The following STARD13 variants were observed in gnomAD, a reference collection of about 807,000 sequenced individuals.
The protein encoded by STARD13 is stAR-related lipid transfer protein 13.
A neutral mutation model predicts 106.4 loss-of-function variants in STARD13; 62 were observed. The observed-to-expected ratio is 0.58, with a 90% CI of 0.48 to 0.72. STARD13 has a LOEUF of 0.72. Ranked by LOEUF, STARD13 falls within the 30% of genes least tolerant of loss-of-function variation. The pLI, the probability that STARD13 is intolerant of heterozygous loss-of-function variation, is 0.00. For missense variants in STARD13, 1,387 were observed against 1,424.0 expected, an observed-to-expected ratio of 0.97 and a Z score of 0.42; for synonymous variants, 565 against 553.0, an observed-to-expected ratio of 1.02 and a Z score of -0.31.
At chr13:33,427,322 G>A in the STARD13 span, among the ~76,000 whole-genome samples, 3 of 152,168 alleles carry the variant, frequency 2.0e-5, no homozygotes, top group South Asian at 6.2e-4. Flanking sequence ...ATGTTATTCA[G>A]TTTTGTATTA....
At chr13:33,190,536 A>G (rs894445158) in intron 1 of STARD13, among the ~76,000 whole-genome samples, 1 of 152,034 alleles carries the variant, frequency 6.6e-6, no homozygotes, top group Non-Finnish European at 1.5e-5. Flanking sequence ...TGAAAAATAA[A>G]TGATGTACTG....
At chr13:33,243,572 A>G (rs1024350112) in intron 1 of STARD13, among the ~76,000 whole-genome samples, 1 of 152,182 alleles carries the variant, frequency 6.6e-6, no homozygotes, top group Non-Finnish European at 1.5e-5. Flanking sequence ...TGATACCTCT[A>G]GCAACAGTGT....
At chr13:33,595,279 T>A in the STARD13 span, among the ~76,000 whole-genome samples, 1 of 152,312 alleles carries the variant, frequency 6.6e-6, no homozygotes, top group South Asian at 2.1e-4. Context: ...AATAAAAGTA[T>A]GTTACAGCCT....
At chr13:33,396,188 G>A in the STARD13 span, among the ~76,000 whole-genome samples, 4 of 151,440 alleles carry the variant, frequency 2.6e-5, no homozygotes, top group Admixed American at 2.6e-4. Flanking sequence ...TAGAGATGGA[G>A]TGCCACTATG....
At position 33,127,489 on chromosome 13, in the gene STARD13, C is replaced by A; in HGVS notation, c.1806G>T (p.Ser602=). The A allele has an allele frequency of 6.3e-7, 1 of 1,592,142 alleles. No individual in the cohort carries two copies. ...LSHQPRPAPA[S]PHISSQTASQ... ...TGGCCGTCTGGCTGCTGATGTGGGGCGATGCTGGGGCCGGCCGGGGCTGGT... is the reference window on the plus strand; with the variant it reads ...TGGCCGTCTGGCTGCTGATGTGGGGAGATGCTGGGGCCGGCCGGGGCTGGT... The change falls in exon 6 of 14, where the codon TCG becomes TCT. Residue 602 remains serine (S), a synonymous_variant. Transcript: ENST00000336934.
chr13:33,383,296 T>A, the STARD13 span, among the ~76,000 whole-genome samples: 1 of 149,608 alleles, frequency 6.7e-6, no homozygotes, highest in Non-Finnish European at 1.5e-5. Context: ...ACTTTGGGAG[T>A]CCCAGGCAGG....
chr13:33,377,904 C>A, the STARD13 span, among the ~76,000 whole-genome samples: 1 of 152,118 alleles, frequency 6.6e-6, no homozygotes, highest in African/African-American at 2.4e-5. Flanking sequence ...AATAACCTAT[C>A]TAAAAACCAA....
chr13:33,374,261 A>C, the STARD13 span, among the ~76,000 whole-genome samples: 1 of 152,166 alleles, frequency 6.6e-6, no homozygotes. Context: ...AAAAAGTAGA[A>C]ATGGTGGTTT....
At chr13:33,664,106 A>C in the STARD13 span, among the ~76,000 whole-genome samples, 10,133 of 152,220 alleles carry the variant, frequency 0.067, 842 homozygotes, top group African/African-American at 0.2. Flanking sequence ...GATCCAAGTA[A>C]CCACGAATCC....
the STARD13 span, among the ~76,000 whole-genome samples, chr13:33,524,626 A>T: frequency 6.6e-6 from 1 of 151,980 alleles, no homozygotes; most frequent in Non-Finnish European, 1.5e-5. Flanking sequence ...GTGATTGTAA[A>T]CTCTCAAGAT....
At chr13:33,110,508 C>A (rs965381278) in intron 11 of STARD13, among the ~76,000 whole-genome samples, 178 bp downstream of exon 11, 1 of 152,156 alleles carries the variant, frequency 6.6e-6, no homozygotes, top group Admixed American at 6.5e-5. Context: ...CCATAGTTTA[C>A]TCTCTGATTA....
chr13:33,299,974 G>A (rs1363179014), intron 1 of STARD13, among the ~76,000 whole-genome samples: 3 of 152,178 alleles, frequency 2.0e-5, no homozygotes, highest in Non-Finnish European at 4.4e-5. Flanking sequence ...GAGGCTTTTA[G>A]ATTTCATCAG....
At chr13:33,450,763 G>A in the STARD13 span, among the ~76,000 whole-genome samples, 1 of 152,196 alleles carries the variant, frequency 6.6e-6, no homozygotes, top group Non-Finnish European at 1.5e-5. Flanking sequence ...TGAAGAATAT[G>A]CTCATTGGGA....
At chr13:33,296,100 G>A (rs181037533) in intron 1 of STARD13, among the ~76,000 whole-genome samples, 14 of 151,946 alleles carry the variant, frequency 9.2e-5, no homozygotes, top group Middle Eastern at 6.8e-3. Context: ...ATGGTGGCTC[G>A]TTACTGTAAT....
chr13:33,435,046 T>C, the STARD13 span, among the ~76,000 whole-genome samples: 2 of 152,158 alleles, frequency 1.3e-5, no homozygotes, highest in Non-Finnish European at 2.9e-5. Context: ...CAGAGAAGGA[T>C]TTTTAAAACA....
intron 3 of STARD13, among the ~76,000 whole-genome samples, chr13:33,144,672 C>G (rs897875947): frequency 2.6e-5 from 4 of 152,182 alleles, no homozygotes; most frequent in African/African-American, 9.7e-5. Context: ...CTCAGCCTGT[C>G]TCTTTGGTCT....
the STARD13 span, among the ~76,000 whole-genome samples, chr13:33,541,249 T>C: frequency 6.6e-6 from 1 of 152,210 alleles, no homozygotes; most frequent in Non-Finnish European, 1.5e-5. Context: ...GATTCCATAT[T>C]CCACACATTT....
the STARD13 span, among the ~76,000 whole-genome samples, chr13:33,549,047 TAAC>T: frequency 1.3e-5 from 2 of 152,192 alleles, no homozygotes; most frequent in African/African-American, 2.4e-5. Context: ...ACTCATGTGT[TAAC>T]AATTTATAGA....
the STARD13 span, among the ~76,000 whole-genome samples, chr13:33,598,934 G>T: frequency 6.6e-6 from 1 of 152,166 alleles, no homozygotes; most frequent in African/African-American, 2.4e-5. Context: ...AGAGAAATCT[G>T]TGTATCAAGA....
Sources: gnomAD v4.1 joint callset for allele counts (sites outside exome capture counted in the v4.1 genomes callset) on GRCh38, gnomAD v4.1.1 for gene constraint, MANE v1.5 for transcripts, NCBI Gene and HGNC (gene_info 2026-07-23, HGNC 2026-07-21) for gene names.